C19orf12: variants seen among roughly 807,000 people sequenced by gnomAD.
C19orf12 encodes the protein chromosome 19 open reading frame 12.
In C19orf12, 2 loss-of-function variants were observed where a neutral mutation model predicts 3.8. The observed-to-expected ratio is 0.53, with a 90% CI of 0.22 to 1.66. The LOEUF (loss-of-function observed/expected upper bound fraction) is 1.66, where lower values mean the gene tolerates loss of function less well. C19orf12 is among the 40% of genes most tolerant of loss of function. The pLI, the probability that C19orf12 is intolerant of heterozygous loss-of-function variation, is 0.20. For synonymous variants in C19orf12, 89 were observed against 84.6 expected, an observed-to-expected ratio of 1.05 and a Z score of -0.28; for missense variants, 156 against 188.8, an observed-to-expected ratio of 0.83 and a Z score of 1.02.
At chr19:29,707,974 C>G (rs1051021221) in intron 2 of C19orf12, among the ~76,000 whole-genome samples, 3 of 151,342 alleles carry the variant, frequency 2.0e-5, no homozygotes, top group Non-Finnish European at 4.4e-5. Context: ...CGGGTTTAAG[C>G]GATTCTCCTG....
rs1140197 is a variant in C19orf12 at position 29,701,692 on chromosome 19, G to T, written c.*1020C>A. ...TTCTACTATGCTTTGTGAATACTGT[G>T]TTTTTTTTTTAAATTGAAGGTTTGT... On this transcript the variant is annotated 3_prime_UTR_variant, in exon 3 of 3. Coordinates refer to ENST00000323670, the MANE Select transcript of C19orf12 (RefSeq NM_031448.6). 0.65 allele frequency: 275,514 copies of T among 426,884 alleles called. 84,345 individuals are homozygous for T. The highest frequency in any genetic ancestry group is 0.78 in the African/African-American group (38,354 of 49,104). 26.4% of individuals were successfully genotyped at this position (426,884 alleles called of 1,614,324 possible).
chr19:29,708,477 T>A, intron 1 of C19orf12, 54 bp from the exon 2 acceptor site: 1 of 1,599,124 alleles, frequency 6.3e-7, no homozygotes, highest in Non-Finnish European at 8.5e-7. Context: ...AGTATTTCCA[T>A]CACAATGCCA....
intron 2 of C19orf12, among the ~76,000 whole-genome samples, chr19:29,706,133 C>T (rs548885814): frequency 2.0e-5 from 3 of 152,290 alleles, no homozygotes; most frequent in Admixed American, 6.5e-5. Flanking sequence ...GAATGCCACA[C>T]GCAGACAGGG....
rs890310905 is a variant in C19orf12, at chr19:29,699,922, A to G, written c.*2790T>C. The G allele has an allele frequency of 5.6e-6, 2 of 356,666 alleles. No individual in the cohort carries two copies. Among genetic ancestry groups the G allele is most frequent in the Admixed American group, 6.1e-5 (2 of 32,602 alleles). The allele number at this position is 356,666 out of a possible 1,614,324, so 22.1% of individuals were successfully genotyped here. On this transcript the variant is annotated 3_prime_UTR_variant, in exon 3 of 3. Transcript: ENST00000323670. ...GCTTGATTTCCTGGGGGAAATCAAG[A>G]AAAGTGCTTTCGGCTCCTGGGGGAG...
rs372139389 is a variant in C19orf12, at chr19:29,702,709, G to A, written c.*3C>T. On this transcript the variant is annotated 3_prime_UTR_variant, in exon 3 of 3. Transcript: ENST00000323670. ...GGGCCCCCCACCTCCCCGGAGGTGC[G>A]GCCTAGTCATCATACTGGATCTCGG... The A allele has an allele frequency of 4.8e-5, 77 of 1,613,346 alleles. No homozygotes were observed. Among genetic ancestry groups the A allele is most frequent in the African/African-American group, 1.2e-4 (9 of 74,988 alleles).
At chr19:29,711,834 G>A (rs1258691601) in intron 1 of C19orf12, among the ~76,000 whole-genome samples, 5 of 152,266 alleles carry the variant, frequency 3.3e-5, no homozygotes, top group Admixed American at 6.5e-5. Context: ...ATCTACAGAG[G>A]CTAAAGAGAT....
intron 1 of C19orf12, among the ~76,000 whole-genome samples, chr19:29,714,647 C>T (rs570010421): frequency 6.5e-4 from 99 of 151,844 alleles, no homozygotes; most frequent in Non-Finnish European, 1.2e-3. Context: ...TGTCAGGATC[C>T]GCTTCACATT....
At chr19:29,711,769 T>C (rs953281527) in intron 1 of C19orf12, among the ~76,000 whole-genome samples, 4 of 150,466 alleles carry the variant, frequency 2.7e-5, no homozygotes, top group Non-Finnish European at 5.9e-5. Context: ...TCTACTGGCT[T>C]CCCCCCCCAA....
intron 1 of C19orf12, among the ~76,000 whole-genome samples, chr19:29,714,111 G>A (rs2145658833): frequency 6.6e-6 from 1 of 152,078 alleles, no homozygotes; most frequent in East Asian, 1.9e-4. Context: ...GGCTGGTCGG[G>A]AACTGGCCTC....
Position 29,702,505 on chromosome 19 carries a change from A to C in C19orf12, c.*207T>G, listed in dbSNP as rs1398119278. 1 of 761,076 alleles carries C rather than the reference A, an allele frequency of 1.3e-6. No homozygotes were observed. Among genetic ancestry groups the C allele is most frequent in the African/African-American group, 1.7e-5 (1 of 58,302 alleles). 47.1% of individuals were successfully genotyped at this position (761,076 alleles called of 1,614,324 possible). A position where few individuals can be genotyped will look rare whatever the true frequency, so the allele number is the denominator to read the frequency against. On this transcript the variant is annotated 3_prime_UTR_variant, in exon 3 of 3. Transcript: ENST00000323670. ...GGGCTGTCATGGCAGGCCAGTGCAC[A>C]TGCCACCAACACATGCTGCTTCATC...
chr19:29,705,187 C>A, intron 2 of C19orf12: 1 of 236,298 alleles, frequency 4.2e-6, no homozygotes, highest in Non-Finnish European at 8.9e-6. Flanking sequence ...ATGTCACCTC[C>A]CAGGCATGCC....
intron 1 of C19orf12, among the ~76,000 whole-genome samples, chr19:29,711,775 C>T (rs192869665): frequency 1.4e-4 from 21 of 152,192 alleles, no homozygotes; most frequent in African/African-American, 4.6e-4. Flanking sequence ...GGCTTCCCCC[C>T]CCAAAAAAAA....
chr19:29,709,326 C>A (rs1370463924), intron 1 of C19orf12, among the ~76,000 whole-genome samples: 1 of 152,184 alleles, frequency 6.6e-6, no homozygotes, highest in Admixed American at 6.5e-5. Flanking sequence ...CAGGGAGAGA[C>A]GGGCTCTGGA....
rs111970703 is a variant in C19orf12 at position 29,707,291 on chromosome 19, T to C, written c.160+963A>G. On this transcript the variant is annotated intron_variant, in intron 2 of 2. Transcript: ENST00000323670. ...AGAATCACTTGAACCCACAAGGCAG[T>C]GGTTGCGGTGAGCCGAGATCATGCC... 9.7e-3 allele frequency among the ~76,000 whole-genome samples: 1,470 copies of C among 151,990 alleles called. 24 individuals are homozygous for C. The highest frequency in any genetic ancestry group is 0.034 in the African/African-American group (1,406 of 41,476).
In C19orf12 at chr19:29,700,946, G is replaced by A. The variant is rs1599528496; in HGVS notation, c.*1766C>T. On this transcript the variant is annotated 3_prime_UTR_variant, in exon 3 of 3. Transcript: ENST00000323670. ...AGGAATAACATTTTTTGTAGAGATGGAGGTCTCACTATATTGCCCAGGCTA... is the reference window on the plus strand; with the variant it reads ...AGGAATAACATTTTTTGTAGAGATGAAGGTCTCACTATATTGCCCAGGCTA... The A allele has an allele frequency of 2.2e-6, 1 of 453,828 alleles. No individual in the cohort carries two copies. The highest frequency in any genetic ancestry group is 2.4e-5 in the Admixed American group (1 of 42,544). 28.1% of individuals were successfully genotyped at this position (453,828 alleles called of 1,614,324 possible). A position where few individuals can be genotyped will look rare whatever the true frequency, so the allele number is the denominator to read the frequency against.
At chr19:29,711,015 T>C (rs984688099) in intron 1 of C19orf12, among the ~76,000 whole-genome samples, 14 of 147,484 alleles carry the variant, frequency 9.5e-5, no homozygotes, top group African/African-American at 3.3e-4. Flanking sequence ...CATAGATAGC[T>C]AGATAGAGAT....
In C19orf12 at chr19:29,701,170, A is replaced by G. The variant is rs1165718544; in HGVS notation, c.*1542T>C. 2.2e-6 allele frequency: 1 copy of G among 454,052 alleles called. No individual in the cohort carries two copies. Among genetic ancestry groups the G allele is most frequent in the African/African-American group, 2.0e-5 (1 of 50,012 alleles). The allele number at this position is 454,052 out of a possible 1,614,324, so 28.1% of individuals were successfully genotyped here. ...AATATGTGGGAAAATGGCTTTTTAG[A>G]AAAACATTTATTGTAATCGATCACA... is the stretch of plus-strand genomic sequence containing the variant. On this transcript the variant is annotated 3_prime_UTR_variant, in exon 3 of 3. Transcript: ENST00000323670.
chr19:29,709,860 G>GT (rs1025589383), intron 1 of C19orf12, among the ~76,000 whole-genome samples: 8 of 151,398 alleles, frequency 5.3e-5, no homozygotes, highest in Non-Finnish European at 1.0e-4. Context: ...GTTTTATGAG[G>GT]TTTTTTTGTT....
At position 29,702,574 on chromosome 19, in the gene C19orf12, G is replaced by A. The variant is rs772827343; in HGVS notation, c.*138C>T. 8.4e-7 allele frequency: 1 copy of A among 1,195,558 alleles called. No individual in the cohort carries two copies. The highest frequency in any genetic ancestry group is 1.7e-5 in the Admixed American group (1 of 58,508). 74.1% of individuals were successfully genotyped at this position (1,195,558 alleles called of 1,614,324 possible). ...ACACTGCACAGCGGTGGCCTCTCCA[G>A]CGGGACATTACTAGTAATACACTGA... On this transcript the variant is annotated 3_prime_UTR_variant, in exon 3 of 3. Coordinates refer to ENST00000323670, the MANE Select transcript of C19orf12 (RefSeq NM_031448.6).
Sources: allele counts gnomAD v4.1 joint callset (sites outside exome capture counted in the v4.1 genomes callset), GRCh38; gene constraint gnomAD v4.1.1; transcripts MANE v1.5; gene names NCBI Gene and HGNC (gene_info 2026-07-23, HGNC 2026-07-21).